Variants in MED12L observed in about 807,000 individuals in gnomAD.
MED12L encodes mediator of RNA polymerase II transcription subunit 12-like protein.
A neutral mutation model predicts 281.3 loss-of-function variants in MED12L; 60 were observed. That is an observed-to-expected ratio of 0.21 (90% CI 0.17 to 0.26). The LOEUF (loss-of-function observed/expected upper bound fraction) is 0.26. Among genes scored for constraint, MED12L ranks in the 10% least tolerant of loss-of-function variants. The pLI is 1.00. For missense variants in MED12L, 2,146 were observed against 2,680.9 expected (o/e 0.80, Z 4.41); for synonymous variants, 974 against 987.2 (o/e 0.99, Z 0.25).
chr3:151,102,736 G>T (rs1721543218), intron 2 of MED12L, among the ~76,000 whole-genome samples: 1 of 152,140 alleles, frequency 6.6e-6, no homozygotes, highest in Non-Finnish European at 1.5e-5. Context: ...GCCTCGCAAA[G>T]TGTTGGGGTT....
chr3:151,378,230 C>A (rs912475115), intron 31 of MED12L, 57 bp downstream of exon 31: 31 of 1,483,720 alleles, frequency 2.1e-5, no homozygotes, highest in Middle Eastern at 1.8e-4. Flanking sequence ...GAGAAAGTCT[C>A]ACTTCCTGTA....
intron 11 of MED12L, among the ~76,000 whole-genome samples, chr3:151,178,180 A>AAAAAAAAAAG (rs1560124043): frequency 1.3e-5 from 2 of 151,264 alleles, no homozygotes; most frequent in African/African-American, 4.9e-5. Context: ...AAAAAAAAAA[A>AAAAAAAAAAG]AAAAGAAAGT....
At position 151,430,284 on chromosome 3, in the gene MED12L, C is replaced by G. The variant is rs1431269247; in HGVS notation, c.6409-15C>G. 3.1e-6 allele frequency: 5 copies of G among 1,614,062 alleles called. No individual in the cohort carries two copies. Among genetic ancestry groups the G allele is most frequent in the Non-Finnish European group, 4.2e-6 (5 of 1,179,934 alleles). ...CATGGAATGATTTCTGTCCTTTCTC[C>G]TGTCGCCATTACAGTTTCCCAGGCA... is the stretch of plus-strand genomic sequence containing the variant. On this transcript the variant is annotated splice_polypyrimidine_tract_variant and intron_variant, in intron 43 of 44. Coordinates refer to ENST00000687756, the MANE Select transcript of MED12L (RefSeq NM_001393769.1).
chr3:151,155,398 G>T (rs1354417392), intron 5 of MED12L, among the ~76,000 whole-genome samples: 1 of 152,158 alleles, frequency 6.6e-6, no homozygotes, highest in African/African-American at 2.4e-5. Flanking sequence ...TTTTTTTCCT[G>T]TTGCTACTTT....
chr3:151,132,548 A>AT (rs1715543690), intron 5 of MED12L, among the ~76,000 whole-genome samples: 1 of 152,194 alleles, frequency 6.6e-6, no homozygotes, highest in African/African-American at 2.4e-5. Context: ...AGTGTATCAT[A>AT]TCCCAATACT....
intron 1 of MED12L, chr3:151,086,468 G>C (rs1376441321): frequency 6.6e-6 from 1 of 151,862 alleles, no homozygotes; most frequent in Non-Finnish European, 1.5e-5. Flanking sequence ...ACCAGCCTAG[G>C]CGCCAAGAAA....
intron 16 of MED12L, among the ~76,000 whole-genome samples, chr3:151,276,824 C>T (rs760780624): frequency 6.6e-6 from 1 of 152,162 alleles, no homozygotes; most frequent in Non-Finnish European, 1.5e-5. Context: ...TTCCTCTGCA[C>T]CCGGCCCACT....
intron 3 of MED12L, among the ~76,000 whole-genome samples, chr3:151,121,492 T>C (rs955367232): frequency 1.2e-4 from 18 of 152,234 alleles, no homozygotes; most frequent in Non-Finnish European, 2.6e-4. Flanking sequence ...ACTAATTGTT[T>C]ATTGACTCAT....
In MED12L at chr3:151,380,234, A is replaced by G; in HGVS notation, c.4590+10A>G. On this transcript the variant is annotated intron_variant, in intron 32 of 44. Transcript: ENST00000687756. ...GAATCAAGTTAACCAGGTAAAGTAT[A>G]GTATAATATTAAGACAGGCAAATAT... is the stretch of plus-strand genomic sequence containing the variant. 1 of 1,507,580 alleles carries G rather than the reference A, an allele frequency of 6.6e-7. No individual in the cohort carries two copies. Among genetic ancestry groups the G allele is most frequent in the Non-Finnish European group, 9.1e-7 (1 of 1,097,248 alleles). The allele number at this position is 1,507,580 out of a possible 1,614,324, so 93.4% of individuals were successfully genotyped here. A position where few individuals can be genotyped will look rare whatever the true frequency, so the allele number is the denominator to read the frequency against.
chr3:151,129,926 G>C (rs530148701), intron 5 of MED12L, among the ~76,000 whole-genome samples: 2 of 152,028 alleles, frequency 1.3e-5, no homozygotes, highest in Non-Finnish European at 2.9e-5. Context: ...GTGTCACCAT[G>C]CCTGGCTAAT....
At chr3:151,413,561 A>G (rs1228927082) in intron 42 of MED12L, among the ~76,000 whole-genome samples, 1 of 152,180 alleles carries the variant, frequency 6.6e-6, no homozygotes, top group Non-Finnish European at 1.5e-5. Flanking sequence ...GGGCAGACGG[A>G]TGCCTTTAAT....
chr3:151,342,015 A>G (rs886452764), intron 16 of MED12L, among the ~76,000 whole-genome samples: 1 of 152,042 alleles, frequency 6.6e-6, no homozygotes. Context: ...CTTTGCTATT[A>G]TGAATAGTGC....
chr3:151,286,787 C>T (rs1269273956), intron 16 of MED12L, among the ~76,000 whole-genome samples: 2 of 152,188 alleles, frequency 1.3e-5, no homozygotes, highest in Non-Finnish European at 2.9e-5. Context: ...AACACTTTCA[C>T]TCTCAAAAGT....
At position 151,430,158 on chromosome 3, in the gene MED12L, A is replaced by T. The variant is rs1719314176; in HGVS notation, c.6409-141A>T. The T allele has an allele frequency of 3.3e-6, 4 of 1,227,288 alleles. No individual in the cohort carries two copies. The Admixed American group carries it at 7.8e-5, about 24-fold the overall frequency. The allele number at this position is 1,227,288 out of a possible 1,614,324, so 76.0% of individuals were successfully genotyped here. On this transcript the variant is annotated intron_variant, in intron 43 of 44. Coordinates refer to ENST00000687756, the MANE Select transcript of MED12L (RefSeq NM_001393769.1). ...CACAACAAGGTGTAGATGAAAATTAATCCACACACAGTTGTCATAGCCCTT... is the reference window on the plus strand; with the variant it reads ...CACAACAAGGTGTAGATGAAAATTATTCCACACACAGTTGTCATAGCCCTT...
At chr3:151,379,536 T>C (rs1008672061) in intron 31 of MED12L, among the ~76,000 whole-genome samples, 2 of 152,236 alleles carry the variant, frequency 1.3e-5, no homozygotes, top group Admixed American at 1.3e-4. Flanking sequence ...CTGTGGGCTG[T>C]GTTGGAGCTG....
chr3:151,118,536 AACAT>A (rs1241080919), intron 3 of MED12L, among the ~76,000 whole-genome samples: 2 of 152,220 alleles, frequency 1.3e-5, no homozygotes, highest in African/African-American at 4.8e-5. Context: ...ATTATGATAA[AACAT>A]ACATAACATT....
Position 151,127,877 on chromosome 3 carries a change from C to T in MED12L, c.449C>T (p.Ser150Phe). Residue 150 changes from serine to phenylalanine, a missense_variant, in exon 5 of 45, where the codon TCT becomes TTT. Around this residue, in one of 9 missense-constraint regions of MED12L, gnomAD observed 722 missense variants for 861.2 expected, o/e 0.84. Transcript: ENST00000687756. ...EDVFAYLAKY[S>F]VPMVRATWLI... Reference sequence around the variant, plus strand: ...GTTTTTGCATATTTAGCTAAATATTCTGTGCCAATGGTTCGAGCAACGTGG... The same window carrying T: ...GTTTTTGCATATTTAGCTAAATATTTTGTGCCAATGGTTCGAGCAACGTGG... The T allele has an allele frequency of 6.2e-7, 1 of 1,613,284 alleles. No individual in the cohort carries two copies. Among genetic ancestry groups the T allele is most frequent in the South Asian group, 1.1e-5 (1 of 91,054 alleles).
At chr3:151,179,819 C>A (rs1467001471) in intron 11 of MED12L, among the ~76,000 whole-genome samples, 1 of 152,126 alleles carries the variant, frequency 6.6e-6, no homozygotes, top group Admixed American at 6.5e-5. Flanking sequence ...TAAAAACAAA[C>A]CAAAAATTTT....
At chr3:151,431,459 ATTT>A (rs1208751114) in intron 44 of MED12L, among the ~76,000 whole-genome samples, 2 of 151,846 alleles carry the variant, frequency 1.3e-5, no homozygotes, top group Non-Finnish European at 2.9e-5. Context: ...GATACCCAAA[ATTT>A]TTTTTCTTCT....
Sources: allele counts gnomAD v4.1 joint callset (sites outside exome capture counted in the v4.1 genomes callset), GRCh38; gene constraint gnomAD v4.1.1; regional missense constraint gnomAD v4.1.1; transcripts MANE v1.5; gene names NCBI Gene and HGNC (gene_info 2026-07-23, HGNC 2026-07-21).